MYH11: variants seen among roughly 807,000 people sequenced by gnomAD.
MYH11 encodes the protein myosin-11.
A neutral mutation model predicts 246.6 loss-of-function variants in MYH11; 80 were observed. The ratio of observed to expected loss-of-function variants is 0.32; its 90% CI spans 0.27 to 0.39. The LOEUF (loss-of-function observed/expected upper bound fraction) is 0.39. Ranked by LOEUF, MYH11 falls within the 10% of genes least tolerant of loss-of-function variation. The pLI, the probability that MYH11 is intolerant of heterozygous loss-of-function variation, is 1.00. For synonymous variants in MYH11, 1,071 were observed against 1,015.5 expected (o/e 1.05, Z -1.04); for missense variants, 2,158 against 2,546.8 (o/e 0.85, Z 3.29).
chr16:15,855,890 G>A (rs567469402), intron 1 of MYH11, among the ~76,000 whole-genome samples: 3 of 152,288 alleles, frequency 2.0e-5, no homozygotes, highest in African/African-American at 7.2e-5. Context: ...TAATCTCTCA[G>A]TTCTTCATAC....
At chr16:15,752,680 A>G (rs2041603249) in intron 15 of MYH11, among the ~76,000 whole-genome samples, 1 of 152,200 alleles carries the variant, frequency 6.6e-6, no homozygotes, top group Non-Finnish European at 1.5e-5. Flanking sequence ...GGAGTTTGAG[A>G]CCAGCCTGGC....
intron 27 of MYH11, among the ~76,000 whole-genome samples, chr16:15,730,074 A>C (rs2040914828): frequency 6.6e-6 from 1 of 151,908 alleles, no homozygotes; most frequent in Admixed American, 6.6e-5. Flanking sequence ...GCAGCTCCCC[A>C]TTCTCTCTCT....
chr16:15,763,758 C>CCCCCCA, intron 10 of MYH11, 38 bp downstream of exon 10: 2 of 1,086,158 alleles, frequency 1.8e-6, no homozygotes, highest in East Asian at 2.4e-5. Flanking sequence ...CCCCCCCAAC[C>CCCCCCA]CCAAAGTCAT....
At chr16:15,745,293 C>T (rs545896897) in intron 19 of MYH11, 56 bp from the exon 20 acceptor site, 25 of 1,274,092 alleles carry the variant, frequency 2.0e-5, no homozygotes, top group Middle Eastern at 2.1e-4. Context: ...CTGCTGTCAA[C>T]AGAGCCCTGC....
chr16:15,820,670 A>G (rs1280044625), intron 3 of MYH11, among the ~76,000 whole-genome samples: 1 of 152,154 alleles, frequency 6.6e-6, no homozygotes, highest in East Asian at 1.9e-4. Context: ...CGGGCTGCAG[A>G]AGTCAAGCAT....
rs146308360 is a variant in MYH11 at position 15,836,219 on chromosome 16, C to T, written c.345+1689G>A. 3.0e-3 allele frequency among the ~76,000 whole-genome samples: 458 copies of T among 152,182 alleles called. 4 individuals are homozygous for T. The highest frequency in any genetic ancestry group is 9.8e-3 in the African/African-American group (409 of 41,528). On this transcript the variant is annotated intron_variant, in intron 2 of 40. Transcript: ENST00000300036. ...CAGTCTGGCGACCCGTGCCCCACAA[C>T]ATCACACTCCAAGCCCCAATCATCT... is the stretch of plus-strand genomic sequence containing the variant.
In MYH11 at chr16:15,718,425, C is replaced by T; in HGVS notation, c.5185G>A (p.Asp1729Asn). 4 of 1,573,418 alleles carry T rather than the reference C, an allele frequency of 2.5e-6. No individual in the cohort carries two copies. Among genetic ancestry groups the T allele is most frequent in the East Asian group, 2.3e-5 (1 of 43,620 alleles). The change falls in exon 37 of 41, where the codon GAC becomes AAC. Residue 1729 changes from aspartate to asparagine, a missense_variant. Asp to Asn is a conservative substitution (Grantham distance 23, BLOSUM62 1). This residue lies in a region of MYH11 where 1,013 missense variants were observed against 993.5 expected (regional missense o/e 1.02). Coordinates refer to ENST00000300036, the MANE Select transcript of MYH11 (RefSeq NM_002474.3). Reference protein sequence around the residue: ...SSLSGRNALQDEKRRLEARIA... With the variant: ...SSLSGRNALQNEKRRLEARIA... ...CGGGCCTCCAGGCGGCGCTTCTCGT[C>T]CTGGAGTGCGTTCCTGGGGGAAGGG...
intron 7 of MYH11, 131 bp from the exon 8 acceptor site, chr16:15,776,307 C>A: frequency 2.8e-6 from 2 of 719,492 alleles, no homozygotes; most frequent in Non-Finnish European, 2.5e-6. Flanking sequence ...TAATGTCTAA[C>A]TTTGACCATT....
chr16:15,768,358 G>C (rs1448440859), intron 9 of MYH11, among the ~76,000 whole-genome samples: 2 of 151,948 alleles, frequency 1.3e-5, no homozygotes, highest in East Asian at 1.9e-4. Context: ...TTGAGGCCAG[G>C]AGTTCAAGGC....
intron 3 of MYH11, among the ~76,000 whole-genome samples, chr16:15,813,138 G>A (rs9931135): frequency 0.051 from 7,721 of 152,298 alleles, 669 homozygotes; most frequent in African/African-American, 0.18. Flanking sequence ...TTGCACTCCA[G>A]CCTGGGTGAC....
chr16:15,782,607 A>C (rs1283583037), intron 5 of MYH11, 130 bp from the exon 6 acceptor site: 1 of 704,668 alleles, frequency 1.4e-6, no homozygotes, highest in African/African-American at 1.8e-5. Flanking sequence ...CTCCTCTTAG[A>C]CCCTGATGCT....
In MYH11 at chr16:15,715,144, G is replaced by A; in HGVS notation, c.5613+20C>T. ...GGCTGGGGGCTGGGGGCTCGAGGGA[G>A]GCTGGGTGGCAGGGGCTACCTGCTC... is the stretch of plus-strand genomic sequence containing the variant. On this transcript the variant is annotated intron_variant, in intron 39 of 40. Coordinates refer to ENST00000300036, the MANE Select transcript of MYH11 (RefSeq NM_002474.3). The A allele has an allele frequency of 6.2e-7, 1 of 1,613,034 alleles. No individual in the cohort carries two copies. The highest frequency in any genetic ancestry group is 8.5e-7 in the Non-Finnish European group (1 of 1,179,932).
Position 15,756,411 on chromosome 16 carries a change from T to A in MYH11, c.1679A>T (p.His560Leu). 6.2e-7 allele frequency: 1 copy of A among 1,614,150 alleles called. No homozygotes were observed. The highest frequency in any genetic ancestry group is 8.5e-7 in the Non-Finnish European group (1 of 1,180,026). Residue 560 changes from histidine (H) to leucine (L), a missense_variant, in exon 14 of 41, where the codon CAC becomes CTC. Physicochemically the swap from His to Leu is moderately conservative, Grantham distance 99 (BLOSUM62 -3). Transcript: ENST00000300036. Reference sequence around the variant, plus strand: ...CTGCTTGGGCTTCTGGAACTTGGGGTGGCTGCCCTGCTCCGTGCACAGCTT... The same window carrying A: ...CTGCTTGGGCTTCTGGAACTTGGGGAGGCTGCCCTGCTCCGTGCACAGCTT... ...VEKLCTEQGS[H>L]PKFQKPKQLK...
At chr16:15,717,806 G>C (rs2040244146) in intron 37 of MYH11, 1 of 259,696 alleles carries the variant, frequency 3.9e-6, no homozygotes, top group African/African-American at 2.2e-5. Context: ...AAAAAAAGAG[G>C]TGCTTCCACA....
chr16:15,818,752 T>TC, intron 3 of MYH11, among the ~76,000 whole-genome samples: 1 of 152,058 alleles, frequency 6.6e-6, no homozygotes, highest in Admixed American at 6.6e-5. Context: ...ATTTTTGGAG[T>TC]CCGCCATCAA....
intron 6 of MYH11, chr16:15,779,386 C>A: frequency 5.2e-6 from 1 of 190,542 alleles, no homozygotes. Flanking sequence ...AAGCAATCCT[C>A]CCACCTCAGC....
At chr16:15,807,320 G>A (rs1482185096) in intron 3 of MYH11, among the ~76,000 whole-genome samples, 1 of 152,046 alleles carries the variant, frequency 6.6e-6, no homozygotes, top group African/African-American at 2.4e-5. Context: ...TTGCTTTTGA[G>A]AAGTTCATGA....
chr16:15,788,095 T>TTTTTTTTTTTTTTTTTTTTTA lies in MYH11; in HGVS notation c.531-1364_531-1363insTAAAAAAAAAAAAAAAAAAAA, dbSNP rs11273419. On this transcript the variant is annotated intron_variant, in intron 4 of 40. Transcript: ENST00000300036. ...GGTAGATCTTTTTTTTTTTTTTTTT[T>TTTTTTTTTTTTTTTTTTTTTA]ACCAAGATGGCTTTCGTGCACTAGC... 1.1e-3 allele frequency among the ~76,000 whole-genome samples: 108 copies of TTTTTTTTTTTTTTTTTTTTTA among 99,510 alleles called. 17 individuals carry two copies. The highest frequency in any genetic ancestry group is 2.4e-3 in the East Asian group (6 of 2,492). The allele number at this position is 99,510 out of a possible 152,430, so 65.3% of individuals were successfully genotyped here.
intron 10 of MYH11, among the ~76,000 whole-genome samples, chr16:15,761,024 G>A (rs1198027402): frequency 2.0e-5 from 3 of 152,116 alleles, no homozygotes; most frequent in Non-Finnish European, 2.9e-5. Flanking sequence ...TCAGCTCTTC[G>A]GTACCTTGTT....
Sources: gnomAD v4.1 joint callset for allele counts (sites outside exome capture counted in the v4.1 genomes callset) on GRCh38, gnomAD v4.1.1 for gene constraint, gnomAD v4.1.1 regional missense constraint, MANE v1.5 for transcripts, NCBI Gene and HGNC (gene_info 2026-07-23, HGNC 2026-07-21) for gene names.